Variants in ADAMTS14 observed in about 807,000 individuals in gnomAD.
ADAMTS14 encodes A disintegrin and metalloproteinase with thrombospondin motifs 14.
In ADAMTS14, 100 loss-of-function variants were observed where a neutral mutation model predicts 128.6. The observed-to-expected ratio is 0.78, with a 90% confidence interval of 0.66 to 0.92. ADAMTS14 has a LOEUF of 0.92. ADAMTS14 is among the 40% of genes least tolerant of loss of function. The pLI, the probability that ADAMTS14 is intolerant of heterozygous loss-of-function variation, is 0.00. For missense variants in ADAMTS14, 1,562 were observed against 1,658.6 expected (o/e 0.94, Z 1.01); for synonymous variants, 665 against 653.8 (o/e 1.02, Z -0.26).
In ADAMTS14 at chr10:70,702,288, C is replaced by CTG. The variant is rs770233607; in HGVS notation, c.523-24_523-23insTG. ...TCATGCCTCTTATTTCTCTCTTTCC[C>CTG]GCTGCTTGCCGTCCCTGGTTCAGGC... On this transcript the variant is annotated intron_variant, in intron 2 of 21. Coordinates refer to ENST00000373207, the MANE Select transcript of ADAMTS14 (RefSeq NM_080722.4). 1.1e-5 allele frequency: 17 copies of CTG among 1,613,916 alleles called. No homozygotes were observed. The South Asian group carries it at 1.9e-4, about 18-fold the overall frequency.
chr10:70,694,388 G>A lies in ADAMTS14; in HGVS notation c.523-7924G>A, dbSNP rs567058852. 4.6e-5 allele frequency among the ~76,000 whole-genome samples: 7 copies of A among 152,110 alleles called. No individual in the cohort carries two copies. In the South Asian group the frequency reaches 8.3e-4, roughly 18 times the overall value. On this transcript the variant is annotated intron_variant, in intron 2 of 21. Coordinates refer to ENST00000373207, the MANE Select transcript of ADAMTS14 (RefSeq NM_080722.4). ...TATTGAGATATAATTCACATACCAC[G>A]CAATTCGCCCATTTAAAATATGCAA...
intron 12 of ADAMTS14, among the ~76,000 whole-genome samples, chr10:70,741,827 G>C (rs1488252347): frequency 6.6e-6 from 1 of 152,176 alleles, no homozygotes; most frequent in Non-Finnish European, 1.5e-5. Flanking sequence ...TGGCTCCATA[G>C]CGGCAGAGCA....
chr10:70,732,686 T>C (rs1841685521), intron 7 of ADAMTS14, among the ~76,000 whole-genome samples: 1 of 152,112 alleles, frequency 6.6e-6, no homozygotes. Context: ...AGAGGCCTGC[T>C]CTCTCTGGGT....
chr10:70,683,977 G>A (rs1193857320), intron 2 of ADAMTS14, among the ~76,000 whole-genome samples: 2 of 152,164 alleles, frequency 1.3e-5, no homozygotes, highest in African/African-American at 4.8e-5. Context: ...AAAAATAACT[G>A]AGGCTGGGTA....
chr10:70,689,437 G>C (rs1342441390), intron 2 of ADAMTS14, among the ~76,000 whole-genome samples: 1 of 144,970 alleles, frequency 6.9e-6, no homozygotes, highest in East Asian at 1.9e-4. Context: ...AGCAGTGATG[G>C]GGTGGCCTTC....
In ADAMTS14 at chr10:70,760,773, G is replaced by C; in HGVS notation, c.3592G>C (p.Val1198Leu). 1 of 1,612,500 alleles carries C rather than the reference G, an allele frequency of 6.2e-7. No individual in the cohort carries two copies. Among genetic ancestry groups the C allele is most frequent in the Non-Finnish European group, 8.5e-7 (1 of 1,179,148 alleles). Residue 1198 changes from valine to leucine, a missense_variant, in exon 22 of 22, where the codon GTC becomes CTC. Coordinates refer to ENST00000373207, the MANE Select transcript of ADAMTS14 (RefSeq NM_080722.4). ...PWGWTQTPTPVPEDKGQPGED... is the reference protein window; with the variant it reads ...PWGWTQTPTPLPEDKGQPGED... ...GGGCTGGACTCAGACACCTACGCCA[G>C]TCCCTGAGGACAAAGGGCAACCTGG...
intron 4 of ADAMTS14, among the ~76,000 whole-genome samples, chr10:70,710,045 G>C (rs1000995682): frequency 3.3e-5 from 5 of 152,218 alleles, no homozygotes; most frequent in Admixed American, 1.3e-4. Context: ...AGTGCAGGCA[G>C]GGGCCAGATG....
At chr10:70,738,394 C>G (rs910074085) in intron 10 of ADAMTS14, among the ~76,000 whole-genome samples, 3 of 152,166 alleles carry the variant, frequency 2.0e-5, no homozygotes, top group African/African-American at 7.2e-5. Context: ...CCACTGCATG[C>G]ACAGACCTCC....
intron 12 of ADAMTS14, 103 bp downstream of exon 12, chr10:70,741,265 G>T: frequency 7.2e-7 from 1 of 1,390,240 alleles, no homozygotes; most frequent in Non-Finnish European, 9.7e-7. Context: ...CAGTGAAGGT[G>T]GAGGGACAGT....
At chr10:70,743,085 T>C (rs1396264757) in intron 12 of ADAMTS14, among the ~76,000 whole-genome samples, 1 of 152,226 alleles carries the variant, frequency 6.6e-6, no homozygotes, top group Non-Finnish European at 1.5e-5. Context: ...CTTGAGCAAG[T>C]TCCTTAACCT....
chr10:70,691,487 T>TAA (rs11373533), intron 2 of ADAMTS14, among the ~76,000 whole-genome samples: 7,572 of 86,128 alleles, frequency 0.088, 657 homozygotes, highest in Middle Eastern at 0.17. Context: ...GAGACCCTGT[T>TAA]AAAAAAAAAA....
intron 19 of ADAMTS14, among the ~76,000 whole-genome samples, chr10:70,755,313 CAA>C (rs33982477): frequency 0.092 from 10,925 of 118,178 alleles, 356 homozygotes; most frequent in Middle Eastern, 0.12. Flanking sequence ...GCTTGTCTCA[CAA>C]AAAAAAAAAA....
chr10:70,702,419 G>A lies in ADAMTS14; in HGVS notation c.630G>A (p.Glu210=), dbSNP rs761449372. Residue 210 remains glutamate (E), a synonymous_variant, in exon 3 of 22, where the codon GAG becomes GAA. Transcript: ENST00000373207. ...GGACACATGTGGTGTACCGCCGGGA[G>A]GCCGTCCAGCAGGAGTGGGCAGAAC... is the stretch of plus-strand genomic sequence containing the variant. ...SGRTHVVYRR[E]AVQQEWAEPD... is the part of the protein sequence containing the mutation. 3 of 1,613,824 alleles carry A rather than the reference G, an allele frequency of 1.9e-6. No homozygotes were observed. The highest frequency in any genetic ancestry group is 2.5e-6 in the Non-Finnish European group (3 of 1,179,872).
chr10:70,754,089 G>A (rs1393352215), intron 19 of ADAMTS14, 82 bp downstream of exon 19: 2 of 1,305,708 alleles, frequency 1.5e-6, no homozygotes, highest in Admixed American at 5.4e-5. Flanking sequence ...GCAGGCAAGA[G>A]AGTTTCTGCC....
At chr10:70,680,718 T>C (rs1054424093) in intron 2 of ADAMTS14, among the ~76,000 whole-genome samples, 3 of 152,186 alleles carry the variant, frequency 2.0e-5, no homozygotes, top group Non-Finnish European at 4.4e-5. Flanking sequence ...GATAAAAGTC[T>C]GCAACCTCCG....
intron 4 of ADAMTS14, among the ~76,000 whole-genome samples, chr10:70,724,933 G>A (rs1841382594): frequency 6.6e-6 from 1 of 152,106 alleles, no homozygotes; most frequent in African/African-American, 2.4e-5. Flanking sequence ...TTGTGCTTTA[G>A]GCTTCCTTTT....
At chr10:70,716,451 T>G (rs1256285757) in intron 4 of ADAMTS14, among the ~76,000 whole-genome samples, 1 of 152,150 alleles carries the variant, frequency 6.6e-6, no homozygotes, top group Non-Finnish European at 1.5e-5. Flanking sequence ...GGGTTCTGGC[T>G]TCCCCCGAAC....
chr10:70,755,820 G>C (rs903132769), intron 19 of ADAMTS14, among the ~76,000 whole-genome samples: 7 of 152,222 alleles, frequency 4.6e-5, no homozygotes, highest in African/African-American at 7.2e-5. Context: ...TTGTATTCCA[G>C]CCTGGGCGAC....
intron 2 of ADAMTS14, among the ~76,000 whole-genome samples, chr10:70,677,304 G>T (rs1346649046): frequency 2.6e-5 from 4 of 152,166 alleles, no homozygotes. Flanking sequence ...TCCTCAGAGG[G>T]TGTTGCTGAT....
Sources: gnomAD v4.1 joint callset for allele counts (sites outside exome capture counted in the v4.1 genomes callset) on GRCh38, gnomAD v4.1.1 for gene constraint, MANE v1.5 for transcripts, NCBI Gene and HGNC (gene_info 2026-07-23, HGNC 2026-07-21) for gene names.